Variants in KPNA6 observed in about 807,000 individuals in gnomAD.
KPNA6 encodes importin subunit alpha-7.
A neutral mutation model predicts 72.0 loss-of-function variants in KPNA6; 9 were observed. The ratio of observed to expected loss-of-function variants is 0.13; its 90% CI spans 0.08 to 0.22. The LOEUF (loss-of-function observed/expected upper bound fraction) is 0.22. Among genes scored for constraint, KPNA6 ranks in the 10% least tolerant of loss-of-function variants. The probability of loss-of-function intolerance (pLI) is 1.00; values close to 1 mark genes in which losing one functional copy is unlikely to be tolerated. For missense variants in KPNA6, 374 were observed against 655.7 expected (o/e 0.57, Z 4.69); for synonymous variants, 219 against 242.1 (o/e 0.90, Z 0.89).
intron 1 of KPNA6, among the ~76,000 whole-genome samples, chr1:32,112,799 G>T (rs1641263445): frequency 6.6e-6 from 1 of 152,108 alleles, no homozygotes. Context: ...CCAGCCAAAA[G>T]TACATATCTT....
intron 1 of KPNA6, among the ~76,000 whole-genome samples, chr1:32,119,010 ATATATATATATATATATATATAT>A (rs1269665532): frequency 4.8e-5 from 3 of 62,892 alleles, no homozygotes; most frequent in African/African-American, 1.9e-4. Context: ...ATATATATAT[ATATATATATATATATATATATAT>A]TTTTTTTTTT....
At chr1:32,114,450 A>AAAG (rs1641294196) in intron 1 of KPNA6, among the ~76,000 whole-genome samples, 1 of 147,366 alleles carries the variant, frequency 6.8e-6, no homozygotes, top group African/African-American at 2.5e-5. Context: ...TCAAAAAAAA[A>AAAG]AATATATATA....
intron 1 of KPNA6, among the ~76,000 whole-genome samples, chr1:32,125,630 C>T (rs748485307): frequency 2.0e-5 from 3 of 150,896 alleles, no homozygotes; most frequent in South Asian, 2.1e-4. Context: ...TGGAGGGCTA[C>T]GCACCATTCT....
rs1472945777 is a variant in KPNA6, at chr1:32,162,450, G to A, written c.837G>A (p.Leu279=). The A allele has an allele frequency of 3.1e-6, 5 of 1,613,974 alleles. No individual in the cohort carries two copies. The African/African-American group carries it at 6.7e-5, about 22-fold the overall frequency. The change falls in exon 9 of 14, where the codon CTG becomes CTA. Residue 279 remains leucine (L), a synonymous_variant. Coordinates refer to ENST00000373625, the MANE Select transcript of KPNA6 (RefSeq NM_012316.5). ...ATGCTTGCTGGGCCCTTTCTTATCTGTCTGATGGCCCCAATGAGAAGATCC... is the reference window on the plus strand; with the variant it reads ...ATGCTTGCTGGGCCCTTTCTTATCTATCTGATGGCCCCAATGAGAAGATCC... The part of the protein sequence containing the change: ...LADACWALSY[L]SDGPNEKIQA...
At chr1:32,124,921 T>G (rs1641506668) in intron 1 of KPNA6, among the ~76,000 whole-genome samples, 1 of 152,198 alleles carries the variant, frequency 6.6e-6, no homozygotes, top group African/African-American at 2.4e-5. Flanking sequence ...CTCAGCTCAC[T>G]GCAACCTCCA....
At chr1:32,147,279 A>T (rs1185390506) in intron 1 of KPNA6, among the ~76,000 whole-genome samples, 1 of 151,962 alleles carries the variant, frequency 6.6e-6, no homozygotes, top group Non-Finnish European at 1.5e-5. Context: ...TTCTTTCAGC[A>T]CTTTGCTTTT....
intron 1 of KPNA6, among the ~76,000 whole-genome samples, chr1:32,117,607 T>C (rs1641351453): frequency 6.6e-6 from 1 of 152,014 alleles, no homozygotes; most frequent in East Asian, 1.9e-4. Flanking sequence ...CTGGGCAACA[T>C]AGTGAGACCC....
rs994509309 is a variant in KPNA6 at position 32,173,174 on chromosome 1, A to G, written c.*2280A>G. Reference sequence around the variant, plus strand: ...TTAAAAAACCATTCTCTTACAGTTTAAAAAAAAAAAAAAAAAAAAAGCCTT... The same window carrying G: ...TTAAAAAACCATTCTCTTACAGTTTGAAAAAAAAAAAAAAAAAAAAGCCTT... On this transcript the variant is annotated 3_prime_UTR_variant, in exon 14 of 14. Coordinates refer to ENST00000373625, the MANE Select transcript of KPNA6 (RefSeq NM_012316.5). The G allele has an allele frequency of 1.0e-5, 1 of 98,478 alleles. No individual in the cohort carries two copies. Among genetic ancestry groups the G allele is most frequent in the East Asian group, 2.6e-4 (1 of 3,810 alleles). The allele number at this position is 98,478 out of a possible 1,614,324, so 6.1% of individuals were successfully genotyped here. A position where few individuals can be genotyped will look rare whatever the true frequency, so the allele number is the denominator to read the frequency against.
At chr1:32,163,696 G>A (rs895065902) in intron 10 of KPNA6, among the ~76,000 whole-genome samples, 4 of 152,134 alleles carry the variant, frequency 2.6e-5, no homozygotes, top group Non-Finnish European at 5.9e-5. Context: ...GGATATCATG[G>A]ACCTTGGAAT....
chr1:32,162,301 C>G (rs549908076), intron 8 of KPNA6, 60 bp from the exon 9 acceptor site: 1 of 1,468,282 alleles, frequency 6.8e-7, no homozygotes, highest in African/African-American at 1.4e-5. Flanking sequence ...TGTTAGGGTT[C>G]GTGATAGAGC....
chr1:32,112,280 A>G (rs1037205338), intron 1 of KPNA6, among the ~76,000 whole-genome samples: 3 of 152,228 alleles, frequency 2.0e-5, no homozygotes, highest in African/African-American at 7.2e-5. Context: ...CAACACTTGT[A>G]TAGAACTTGC....
At chr1:32,157,304 T>C (rs1189960677) in intron 3 of KPNA6, 42 bp from the exon 4 acceptor site, 1 of 1,483,426 alleles carries the variant, frequency 6.7e-7, no homozygotes, top group Non-Finnish European at 9.4e-7. Context: ...CATCTGGCTC[T>C]AATGTTGGTT....
chr1:32,142,255 CAAAA>C (rs763008502), intron 1 of KPNA6, among the ~76,000 whole-genome samples: 75 of 55,302 alleles, frequency 1.4e-3, no homozygotes, highest in African/African-American at 5.1e-3. Flanking sequence ...GACCCTGTCT[CAAAA>C]AAAAAAAAAA....
chr1:32,116,552 G>T (rs1641332376), intron 1 of KPNA6, among the ~76,000 whole-genome samples: 1 of 152,106 alleles, frequency 6.6e-6, no homozygotes, highest in African/African-American at 2.4e-5. Flanking sequence ...TAGCTATTTG[G>T]GAGGCTGAGG....
intron 1 of KPNA6, among the ~76,000 whole-genome samples, chr1:32,112,128 G>A (rs1641252435): frequency 6.6e-6 from 1 of 152,212 alleles, no homozygotes; most frequent in African/African-American, 2.4e-5. Flanking sequence ...GGAACTTGTG[G>A]AGAAGCCTTC....
At chr1:32,154,152 A>G (rs1480280336) in intron 1 of KPNA6, among the ~76,000 whole-genome samples, 1 of 152,092 alleles carries the variant, frequency 6.6e-6, no homozygotes, top group Admixed American at 6.6e-5. Flanking sequence ...GTCTCAAAAA[A>G]AAAAAACAGC....
In KPNA6 at chr1:32,162,389, G is replaced by A. The variant is rs1269464403; in HGVS notation, c.776G>A (p.Arg259His). ...KVSPCLPVLS[R>H]LLFSSDSDLL... ...TCTCCTTGTTTGCCTGTACTGTCTC[G>A]CCTACTCTTCAGCAGCGACTCGGAC... Residue 259 changes from arginine to histidine, a missense_variant, in exon 9 of 14, where the codon CGC (arginine) becomes CAC (histidine). By Grantham distance (29) the Arg-to-His change is conservative. Around this residue, in one of 3 missense-constraint regions of KPNA6, gnomAD observed 298 missense variants for 495.4 expected, o/e 0.60. Coordinates refer to ENST00000373625, the MANE Select transcript of KPNA6 (RefSeq NM_012316.5). 1.9e-5 allele frequency: 30 copies of A among 1,610,460 alleles called. No homozygotes were observed. Among genetic ancestry groups the A allele is most frequent in the Non-Finnish European group, 2.4e-5 (28 of 1,178,278 alleles).
chr1:32,115,080 T>C (rs1468430495), intron 1 of KPNA6, among the ~76,000 whole-genome samples: 1 of 152,074 alleles, frequency 6.6e-6, no homozygotes, highest in Non-Finnish European at 1.5e-5. Flanking sequence ...CCTCAAGTGA[T>C]CCGCCCACCT....
intron 1 of KPNA6, among the ~76,000 whole-genome samples, chr1:32,117,945 T>C (rs748032689): frequency 2.4e-4 from 37 of 152,172 alleles, no homozygotes; most frequent in African/African-American, 8.2e-4. Context: ...TAATTTGATA[T>C]GGAGTTTCGC....
Sources: gnomAD v4.1 joint callset for allele counts (sites outside exome capture counted in the v4.1 genomes callset) on GRCh38, gnomAD v4.1.1 for gene constraint, gnomAD v4.1.1 regional missense constraint, MANE v1.5 for transcripts, NCBI Gene and HGNC (gene_info 2026-07-23, HGNC 2026-07-21) for gene names.